Variants in TMEM259 observed in about 807,000 individuals in gnomAD.
TMEM259 encodes membralin.
Under a neutral mutation model 46.7 loss-of-function variants are expected in TMEM259, and 26 were observed. The ratio of observed to expected loss-of-function variants is 0.56; its 90% CI spans 0.41 to 0.77. TMEM259 has a LOEUF of 0.77. Among genes scored for constraint, TMEM259 ranks in the 30% least tolerant of loss-of-function variants. The pLI is 0.00. For missense variants in TMEM259, 930 were observed against 900.5 expected, an observed-to-expected ratio of 1.03 and a Z score of -0.42; for synonymous variants, 494 against 395.1, an observed-to-expected ratio of 1.25 and a Z score of -2.97.
At chr19:1,016,871 G>A (rs990254154) in intron 1 of TMEM259, among the ~76,000 whole-genome samples, 1 of 152,178 alleles carries the variant, frequency 6.6e-6, no homozygotes, top group Non-Finnish European at 1.5e-5. Context: ...GACAGCGGAC[G>A]TGATGAGAGG....
chr19:1,017,161 C>A (rs1436779194), intron 1 of TMEM259: 2 of 398,760 alleles, frequency 5.0e-6, no homozygotes, highest in Non-Finnish European at 8.8e-6. Flanking sequence ...GGGTCCTCCT[C>A]CCCAAGACCT....
rs746975599 is a variant in TMEM259, at chr19:1,011,225, G to A, written c.1218-30C>T. ...GGGGCGGGGTGAGGGCGTCGGGGCTGCAGGTCCCACCCTGCCAGGCCCAGC... is the reference window on the plus strand; with the variant it reads ...GGGGCGGGGTGAGGGCGTCGGGGCTACAGGTCCCACCCTGCCAGGCCCAGC... On this transcript the variant is annotated intron_variant, in intron 9 of 10. Coordinates refer to ENST00000356663, the MANE Select transcript of TMEM259 (RefSeq NM_001033026.2). 3 of 1,560,228 alleles carry A rather than the reference G, an allele frequency of 1.9e-6. No homozygotes were observed. In the South Asian group the frequency reaches 3.5e-5, roughly 18 times the overall value.
Position 1,013,185 on chromosome 19 carries a change from G to A in TMEM259, c.607+56C>T. 2.0e-6 allele frequency: 3 copies of A among 1,498,564 alleles called. No homozygotes were observed. The Admixed American group carries it at 5.0e-5, about 25-fold the overall frequency. The allele number at this position is 1,498,564 out of a possible 1,614,324, so 92.8% of individuals were successfully genotyped here. ...TCGGAGGGACCCCGCCTGCACCCCAGCACCCCATGACTGAGGCAACCCCGT... is the reference window on the plus strand; with the variant it reads ...TCGGAGGGACCCCGCCTGCACCCCAACACCCCATGACTGAGGCAACCCCGT... On this transcript the variant is annotated intron_variant, in intron 3 of 10. Transcript: ENST00000356663.
intron 2 of TMEM259, chr19:1,013,758 G>T: frequency 3.6e-6 from 1 of 279,760 alleles, no homozygotes; most frequent in Non-Finnish European, 6.9e-6. Context: ...CAGTGCCCAA[G>T]GCCACCACAA....
Position 1,010,358 on chromosome 19 carries a change from C to A in TMEM259, c.1855G>T (p.Gly619Trp). 6.7e-7 allele frequency: 1 copy of A among 1,490,702 alleles called. No individual in the cohort carries two copies. The highest frequency in any genetic ancestry group is 2.6e-5 in the Admixed American group (1 of 38,522). The allele number at this position is 1,490,702 out of a possible 1,614,324, so 92.3% of individuals were successfully genotyped here. The change falls in exon 11 of 11, where the codon GGG becomes TGG. Residue 619 changes from glycine (G) to tryptophan (W), a missense_variant. Transcript: ENST00000356663. ...CGGCTCAGCTGTGCGGCTCAGGACC[C>A]CACCTCCGAGGGCGCCTCCGTTGGG... ...MAPTEAPSEV[G>W]S
At chr19:1,018,256 G>C (rs1031749754) in intron 1 of TMEM259, among the ~76,000 whole-genome samples, 2 of 152,182 alleles carry the variant, frequency 1.3e-5, no homozygotes, top group African/African-American at 4.8e-5. Flanking sequence ...GAGGGCCCCT[G>C]GAACACAGGC....
rs1158074958 is a variant in TMEM259, at chr19:1,010,027, G to A, written c.*323C>T. The stretch of plus-strand genomic sequence containing the variant: ...CTCCTCCACACCTCCGCCTTGCTCA[G>A]AGACCTGCACCATGGGACCCCACTC... On this transcript the variant is annotated 3_prime_UTR_variant, in exon 11 of 11. Coordinates refer to ENST00000356663, the MANE Select transcript of TMEM259 (RefSeq NM_001033026.2). 1 of 370,216 alleles carries A rather than the reference G, an allele frequency of 2.7e-6. No homozygotes were observed. Among genetic ancestry groups the A allele is most frequent in the African/African-American group, 2.1e-5 (1 of 47,078 alleles). 22.9% of individuals were successfully genotyped at this position (370,216 alleles called of 1,614,324 possible).
intron 1 of TMEM259, among the ~76,000 whole-genome samples, chr19:1,016,517 G>A (rs1251708035): frequency 6.6e-6 from 1 of 152,250 alleles, no homozygotes; most frequent in Non-Finnish European, 1.5e-5. Flanking sequence ...CTGTGCCCAG[G>A]ACAGCAATGG....
intron 4 of TMEM259, 73 bp from the exon 5 acceptor site, chr19:1,012,261 A>G (rs1455812559): frequency 1.6e-5 from 24 of 1,541,166 alleles, no homozygotes; most frequent in Middle Eastern, 2.3e-4. Context: ...AGCTGGCTCC[A>G]TTGCTGAGGC....
rs1202195467 is a variant in TMEM259, at chr19:1,013,259, G to C, written c.589C>G (p.Pro197Ala). 3 of 1,613,836 alleles carry C rather than the reference G, an allele frequency of 1.9e-6. No homozygotes were observed. The highest frequency in any genetic ancestry group is 1.1e-5 in the South Asian group (1 of 91,080). Residue 197 changes from proline (P) to alanine (A), a missense_variant, in exon 3 of 11, where the codon CCC becomes GCC. By Grantham distance (27) the Pro-to-Ala change is conservative. Coordinates refer to ENST00000356663, the MANE Select transcript of TMEM259 (RefSeq NM_001033026.2). The part of the protein sequence containing the change: ...ALNDSQEFPF[P>A]ETPTKVWPQD... ...GGCCTACCTTTGGTGGGCGTCTCGGGGAAGGGGAACTCCTGGCTGTCATTC... is the reference window on the plus strand; with the variant it reads ...GGCCTACCTTTGGTGGGCGTCTCGGCGAAGGGGAACTCCTGGCTGTCATTC...
intron 2 of TMEM259, 81 bp downstream of exon 2, chr19:1,014,111 C>T (rs997909600): frequency 2.7e-6 from 4 of 1,496,298 alleles, no homozygotes; most frequent in East Asian, 2.3e-5. Flanking sequence ...AACATCCTGT[C>T]GATGTCAGGA....
At chr19:1,014,536 C>G (rs1482487158) in intron 1 of TMEM259, 63 bp from the exon 2 acceptor site, 2 of 1,517,406 alleles carry the variant, frequency 1.3e-6, no homozygotes, top group African/African-American at 3.4e-5. Flanking sequence ...ACCCAAGGGC[C>G]TACGTGATGG....
Position 1,010,489 on chromosome 19 carries a change from C to G in TMEM259, c.1724G>C (p.Gly575Ala). 6.5e-7 allele frequency: 1 copy of G among 1,545,936 alleles called. No individual in the cohort carries two copies. The highest frequency in any genetic ancestry group is 8.7e-7 in the Non-Finnish European group (1 of 1,145,640). Reference protein sequence around the residue: ...RPASPLGPAGGLPHAPQDSVP... With the variant: ...RPASPLGPAGALPHAPQDSVP... ...ACTGTCCTGGGGGGCGTGGGGGAGG[C>G]CCCCAGCAGGGCCCAGCGGGCTGGC... Residue 575 changes from glycine to alanine, a missense_variant, in exon 11 of 11, where the codon GGC becomes GCC. Gly to Ala is a moderately conservative substitution (Grantham distance 60). Transcript: ENST00000356663.
rs1409908316 is a variant in TMEM259 at position 1,010,858 on chromosome 19, G to A, written c.1355C>T (p.Pro452Leu). ...GATGCGGACCTGCTGCAGGATGGCAGGCAGCTCGTAGTGGTGGAAGAAGTA... is the reference window on the plus strand; with the variant it reads ...GATGCGGACCTGCTGCAGGATGGCAAGCAGCTCGTAGTGGTGGAAGAAGTA... Reference protein sequence around the residue: ...MIYFFHHYELPAILQQVRIQE... With the variant: ...MIYFFHHYELLAILQQVRIQE... The change falls in exon 11 of 11, where the codon CCT (proline) becomes CTT (leucine). Residue 452 changes from proline to leucine, a missense_variant. By Grantham distance (98) the Pro-to-Leu change is moderately conservative (BLOSUM62 -3). Transcript: ENST00000356663. The A allele has an allele frequency of 6.3e-7, 1 of 1,594,886 alleles. No individual in the cohort carries two copies. The highest frequency in any genetic ancestry group is 2.2e-5 in the East Asian group (1 of 44,756).
Position 1,010,380 on chromosome 19 carries a change from T to C in TMEM259, c.1833A>G (p.Pro611=). ...ACCCCACCTCCGAGGGCGCCTCCGT[T>C]GGGGCCATGGAGGCCGGGCTAGGCC... ...VGGPSPASMA[P]TEAPSEVGS is the part of the protein sequence containing the mutation. The change falls in exon 11 of 11, where the codon CCA becomes CCG. Residue 611 remains proline (P), a synonymous_variant. Transcript: ENST00000356663. The C allele has an allele frequency of 6.6e-7, 1 of 1,505,766 alleles. No homozygotes were observed. Among genetic ancestry groups the C allele is most frequent in the Non-Finnish European group, 8.8e-7 (1 of 1,134,930 alleles). The allele number at this position is 1,505,766 out of a possible 1,614,324, so 93.3% of individuals were successfully genotyped here. A position where few individuals can be genotyped will look rare whatever the true frequency, so the allele number is the denominator to read the frequency against.
Position 1,011,575 on chromosome 19 carries a change from C to A in TMEM259, c.1084+5G>T. On this transcript the variant is annotated splice_donor_5th_base_variant and intron_variant, in intron 8 of 10. Transcript: ENST00000356663. ...GGGGCGGGGGAGGCCGGGTGGGGTC[C>A]TCACCGACGAGGGCCAGGATGACGG... is the stretch of plus-strand genomic sequence containing the variant. 1 of 1,542,096 alleles carries A rather than the reference C, an allele frequency of 6.5e-7. No homozygotes were observed. The highest frequency in any genetic ancestry group is 8.7e-7 in the Non-Finnish European group (1 of 1,144,898).
chr19:1,019,856 G>A (rs557556978), intron 1 of TMEM259, among the ~76,000 whole-genome samples: 1 of 152,328 alleles, frequency 6.6e-6, no homozygotes, highest in South Asian at 2.1e-4. Context: ...GGTGGCCCAG[G>A]ACCCCGGCCA....
At chr19:1,013,467 C>G (rs2039006363) in intron 2 of TMEM259, 127 bp from the exon 3 acceptor site, 1 of 891,044 alleles carries the variant, frequency 1.1e-6, no homozygotes, top group African/African-American at 1.7e-5. Context: ...ACTGACCAGG[C>G]CAGGGTGGAC....
rs771672096 is a variant in TMEM259 at position 1,010,562 on chromosome 19, C to T, written c.1651G>A (p.Ala551Thr). ...MAETAAIITD[A>T]SFLSGLSASL... ...GCGCTCAGGCCGGACAGGAAGGAGG[C>T]GTCTGTGATGATGGCAGCGGTCTCT... The change falls in exon 11 of 11, where the codon GCC becomes ACC. Residue 551 changes from alanine to threonine, a missense_variant. Ala to Thr is a moderately conservative substitution (Grantham distance 58). Coordinates refer to ENST00000356663, the MANE Select transcript of TMEM259 (RefSeq NM_001033026.2). 11 of 1,549,252 alleles carry T rather than the reference C, an allele frequency of 7.1e-6. No individual in the cohort carries two copies. In the Admixed American group the frequency reaches 1.6e-4, roughly 22 times the overall value.
Sources: gnomAD v4.1 joint callset for allele counts (sites outside exome capture counted in the v4.1 genomes callset) on GRCh38, gnomAD v4.1.1 for gene constraint, MANE v1.5 for transcripts, NCBI Gene and HGNC (gene_info 2026-07-23, HGNC 2026-07-21) for gene names.